SAMD12: variants seen among roughly 807,000 people sequenced by gnomAD.
SAMD12 encodes the protein sterile alpha motif domain-containing protein 12.
Under a neutral mutation model 15.0 loss-of-function variants are expected in SAMD12, and 9 were observed. The observed-to-expected ratio is 0.60, with a 90% CI of 0.36 to 1.05. The LOEUF is 1.05. SAMD12 is among the 50% of genes least tolerant of loss of function. The pLI is 0.01. For synonymous variants in SAMD12, 86 were observed against 90.1 expected (o/e 0.96, Z 0.25); for missense variants, 230 against 234.2 (o/e 0.98, Z 0.12).
At chr8:118,513,169 T>C (rs1825135804) in intron 2 of SAMD12, among the ~76,000 whole-genome samples, 1 of 152,182 alleles carries the variant, frequency 6.6e-6, no homozygotes, top group Admixed American at 6.6e-5. Flanking sequence ...GCACTAGTCA[T>C]TTGATTTTTC....
chr8:118,171,386 G>A, the SAMD12 span, among the ~76,000 whole-genome samples: 18 of 151,402 alleles, frequency 1.2e-4, no homozygotes, highest in Admixed American at 2.0e-4. Context: ...ATGTGTAGAT[G>A]AGTATTTATA....
chr8:118,219,607 C>T (rs1317468078), intron 4 of SAMD12, among the ~76,000 whole-genome samples: 4 of 152,190 alleles, frequency 2.6e-5, no homozygotes, highest in African/African-American at 9.7e-5. Context: ...TATGCCAGTT[C>T]TGGGCCTGGC....
intron 2 of SAMD12, among the ~76,000 whole-genome samples, chr8:118,443,705 T>C (rs1321557031): frequency 1.3e-5 from 2 of 152,220 alleles, no homozygotes; most frequent in Admixed American, 1.3e-4. Context: ...TACCCCAGTC[T>C]GCTGCTTCTT....
chr8:118,568,205 G>A (rs1054654953), intron 2 of SAMD12, among the ~76,000 whole-genome samples: 1 of 152,176 alleles, frequency 6.6e-6, no homozygotes, highest in Non-Finnish European at 1.5e-5. Flanking sequence ...TGATACTAGA[G>A]CAAAGATTTG....
intron 2 of SAMD12, among the ~76,000 whole-genome samples, chr8:118,536,043 G>A (rs1038311778): frequency 1.1e-4 from 17 of 152,166 alleles, no homozygotes; most frequent in South Asian, 2.1e-4. Context: ...CGTCGCTCAC[G>A]CTGGGAGCTG....
chr8:118,430,484 T>A (rs1051013074), intron 3 of SAMD12, among the ~76,000 whole-genome samples: 1 of 152,032 alleles, frequency 6.6e-6, no homozygotes, highest in Non-Finnish European at 1.5e-5. Flanking sequence ...TGCTTCAGCC[T>A]CCCGAGTAGC....
At position 118,227,913 on chromosome 8, in the gene SAMD12, T is replaced by G. The variant is rs28365494; in HGVS notation, c.434-30181A>C. Reference sequence around the variant, plus strand: ...TACAAGGCCATTGTCACCAAAACATTATGTTACTGGTATAAAAATAGGCAC... The same window carrying G: ...TACAAGGCCATTGTCACCAAAACATGATGTTACTGGTATAAAAATAGGCAC... On this transcript the variant is annotated intron_variant, in intron 4 of 4. Transcript: ENST00000409003. 3.2e-4 allele frequency among the ~76,000 whole-genome samples: 48 copies of G among 152,258 alleles called. No individual in the cohort carries two copies. In the East Asian group the frequency reaches 8.9e-3, roughly 28 times the overall value.
intron 2 of SAMD12, among the ~76,000 whole-genome samples, chr8:118,476,193 T>C (rs773828420): frequency 2.0e-5 from 3 of 152,168 alleles, no homozygotes; most frequent in Non-Finnish European, 2.9e-5. Context: ...CCAGACTTGA[T>C]TGATCACCTA....
intron 2 of SAMD12, among the ~76,000 whole-genome samples, chr8:118,487,382 G>T (rs1407141630): frequency 6.6e-6 from 1 of 152,200 alleles, no homozygotes; most frequent in Non-Finnish European, 1.5e-5. Context: ...ACCAGGAGGG[G>T]CTGGAAGACA....
At chr8:118,338,872 A>C (rs1458628917) in intron 4 of SAMD12, among the ~76,000 whole-genome samples, 2 of 152,176 alleles carry the variant, frequency 1.3e-5, no homozygotes, top group Non-Finnish European at 2.9e-5. Context: ...CAAAACCCAA[A>C]TGAATGTTAA....
intron 4 of SAMD12, among the ~76,000 whole-genome samples, chr8:118,230,114 G>A (rs930018255): frequency 5.9e-5 from 9 of 152,126 alleles, no homozygotes; most frequent in African/African-American, 2.2e-4. Flanking sequence ...AGTAAAAGGA[G>A]TAGGAGGGTA....
chr8:118,548,361 A>ACCCTTTAC (rs1826190723), intron 2 of SAMD12, among the ~76,000 whole-genome samples: 1 of 149,924 alleles, frequency 6.7e-6, no homozygotes, highest in South Asian at 2.1e-4. Context: ...TGTTCATAAT[A>ACCCTTTAC]CCCTTTACAC....
intron 3 of SAMD12, among the ~76,000 whole-genome samples, chr8:118,395,895 TTGCAG>T (rs1377272016): frequency 1.9e-4 from 29 of 150,774 alleles, no homozygotes; most frequent in Admixed American, 1.8e-3. Flanking sequence ...GAGGCGGAGC[TTGCAG>T]TGAGTAAGAT....
chr8:118,152,494 TC>T, the SAMD12 span, among the ~76,000 whole-genome samples: 1 of 147,512 alleles, frequency 6.8e-6, no homozygotes, highest in African/African-American at 2.5e-5. Flanking sequence ...CTTCCTTCCT[TC>T]CTTCCTTCTT....
intron 2 of SAMD12, among the ~76,000 whole-genome samples, chr8:118,513,247 G>T (rs1440251994): frequency 6.6e-6 from 1 of 152,080 alleles, no homozygotes; most frequent in African/African-American, 2.4e-5. Flanking sequence ...GCCTAAAAGA[G>T]ATTTGAGAAA....
intron 3 of SAMD12, among the ~76,000 whole-genome samples, chr8:118,431,311 T>G (rs1563856024): frequency 6.6e-6 from 1 of 152,202 alleles, no homozygotes; most frequent in East Asian, 1.9e-4. Flanking sequence ...TTATTTTACC[T>G]TCATTTATTC....
chr8:118,168,842 T>C, the SAMD12 span, among the ~76,000 whole-genome samples: 1 of 152,104 alleles, frequency 6.6e-6, no homozygotes, highest in Non-Finnish European at 1.5e-5. Context: ...GGAAAAAAAT[T>C]AGGGGTATGA....
At chr8:118,394,575 C>A (rs1003847165) in intron 3 of SAMD12, among the ~76,000 whole-genome samples, 4 of 152,178 alleles carry the variant, frequency 2.6e-5, no homozygotes, top group African/African-American at 9.7e-5. Context: ...TGTGGCAGAG[C>A]TTAAGAGTGA....
At chr8:118,159,880 C>T in the SAMD12 span, among the ~76,000 whole-genome samples, 23 of 151,976 alleles carry the variant, frequency 1.5e-4, no homozygotes, top group East Asian at 1.6e-3. Context: ...CCACCATGAC[C>T]AGCTAATTTT....
Sources: gnomAD v4.1 joint callset for allele counts (sites outside exome capture counted in the v4.1 genomes callset) on GRCh38, gnomAD v4.1.1 for gene constraint, MANE v1.5 for transcripts, NCBI Gene and HGNC (gene_info 2026-07-23, HGNC 2026-07-21) for gene names.